The following COL24A1 variants were observed in gnomAD, a reference collection of about 807,000 sequenced individuals.
COL24A1 encodes collagen type XXIV alpha 1 chain.
Under a neutral mutation model 253.9 loss-of-function variants are expected in COL24A1, and 224 were observed. The ratio of observed to expected loss-of-function variants is 0.88; its 90% CI spans 0.79 to 0.99. The LOEUF is 0.99. COL24A1 is among the 50% of genes least tolerant of loss of function. The pLI, the probability that COL24A1 is intolerant of heterozygous loss-of-function variation, is 0.00. For synonymous variants in COL24A1, 685 were observed against 673.7 expected (o/e 1.02, Z -0.26); for missense variants, 2,131 against 2,068.5 (o/e 1.03, Z -0.59).
At chr1:86,019,346 A>G (rs1389188483) in intron 18 of COL24A1, among the ~76,000 whole-genome samples, 2 of 152,020 alleles carry the variant, frequency 1.3e-5, no homozygotes, top group Admixed American at 6.6e-5. Context: ...GCTTGAGGCC[A>G]GGAGTTTAAG....
chr1:85,740,991 C>T (rs1293244333), intron 57 of COL24A1, among the ~76,000 whole-genome samples: 8 of 129,300 alleles, frequency 6.2e-5, no homozygotes, highest in South Asian at 5.2e-4. Flanking sequence ...TCGTGGCTGG[C>T]GCCTATAATC....
chr1:86,079,849 A>G (rs979347606), intron 7 of COL24A1, among the ~76,000 whole-genome samples: 2 of 152,194 alleles, frequency 1.3e-5, no homozygotes, highest in South Asian at 2.1e-4. Flanking sequence ...ACCATTATGG[A>G]AAACAGTTTG....
At chr1:85,852,949 GTAT>G in intron 37 of COL24A1, among the ~76,000 whole-genome samples, 1 of 152,232 alleles carries the variant, frequency 6.6e-6, no homozygotes, top group African/African-American at 2.4e-5. Context: ...AGTAACCACA[GTAT>G]TATGTTTTAT....
At chr1:85,893,842 T>A (rs1462318447) in intron 31 of COL24A1, among the ~76,000 whole-genome samples, 1 of 152,130 alleles carries the variant, frequency 6.6e-6, no homozygotes, top group Non-Finnish European at 1.5e-5. Flanking sequence ...GGGGTCTCAC[T>A]ACATTGCCCT....
At chr1:85,816,302 C>G (rs1673032726) in intron 47 of COL24A1, among the ~76,000 whole-genome samples, 2 of 152,238 alleles carry the variant, frequency 1.3e-5, no homozygotes, top group South Asian at 2.1e-4. Flanking sequence ...AGAAGAGAGA[C>G]AGCTGATGGA....
chr1:85,781,102 G>C lies in COL24A1; in HGVS notation c.4338+118C>G, dbSNP rs181865104. 8.0e-5 allele frequency: 56 copies of C among 699,800 alleles called. No homozygotes were observed. The African/African-American group carries it at 8.1e-4, about 10-fold the overall frequency. 43.3% of individuals were successfully genotyped at this position (699,800 alleles called of 1,614,324 possible). A position where few individuals can be genotyped will look rare whatever the true frequency, so the allele number is the denominator to read the frequency against. ...CAGGAATCATTTTCCAGAAGAAAAT[G>C]TATATCTATTTTTTCCATTTTCTTC... On this transcript the variant is annotated intron_variant, in intron 52 of 59. Coordinates refer to ENST00000370571, the MANE Select transcript of COL24A1 (RefSeq NM_152890.7).
intron 7 of COL24A1, among the ~76,000 whole-genome samples, chr1:86,081,311 A>C (rs1702621673): frequency 2.5e-4 from 1 of 4,046 alleles, no homozygotes; most frequent in Admixed American, 4.3e-3. Context: ...TCTAATGTGA[A>C]GTTTTTTTTT....
chr1:85,878,467 C>A (rs2389988), intron 32 of COL24A1, among the ~76,000 whole-genome samples: 9 of 152,142 alleles, frequency 5.9e-5, no homozygotes, highest in African/African-American at 1.7e-4. Context: ...GAAACACGGT[C>A]CAATTATAGC....
At chr1:86,068,767 A>C (rs12740162) in intron 7 of COL24A1, among the ~76,000 whole-genome samples, 5 of 152,076 alleles carry the variant, frequency 3.3e-5, no homozygotes, top group African/African-American at 1.2e-4. Flanking sequence ...TTTGTTTGGC[A>C]TCTTGGATAC....
At chr1:85,847,986 C>T (rs1677324804) in intron 38 of COL24A1, among the ~76,000 whole-genome samples, 1 of 151,988 alleles carries the variant, frequency 6.6e-6, no homozygotes, top group Admixed American at 6.5e-5. Context: ...ACCAAACAAG[C>T]AGGGGGCATC....
chr1:86,110,342 T>G (rs1387555300), intron 5 of COL24A1, among the ~76,000 whole-genome samples: 1 of 146,806 alleles, frequency 6.8e-6, no homozygotes, highest in Non-Finnish European at 1.5e-5. Context: ...CTTCCATACG[T>G]TTTCCTATGT....
At chr1:85,867,280 C>T (rs1011333016) in intron 37 of COL24A1, among the ~76,000 whole-genome samples, 2 of 152,280 alleles carry the variant, frequency 1.3e-5, no homozygotes, top group African/African-American at 4.8e-5. Flanking sequence ...ACTTTGTCTT[C>T]CAGCCTGCCT....
At chr1:86,141,213 G>A (rs1202972094) in intron 2 of COL24A1, among the ~76,000 whole-genome samples, 2 of 152,190 alleles carry the variant, frequency 1.3e-5, no homozygotes, top group East Asian at 1.9e-4. Flanking sequence ...CAGGCAGGCT[G>A]ATTCATATTG....
At chr1:86,017,247 T>A (rs1305286607) in intron 18 of COL24A1, 43 bp from the exon 19 acceptor site, 1 of 1,453,366 alleles carries the variant, frequency 6.9e-7, no homozygotes, top group Admixed American at 2.8e-5. Context: ...ATAAACTTAA[T>A]AAACACAATT....
Position 86,022,574 on chromosome 1 carries a change from T to C in COL24A1, c.2166A>G (p.Ala722=). 1 of 1,613,074 alleles carries C rather than the reference T, an allele frequency of 6.2e-7. No individual in the cohort carries two copies. Among genetic ancestry groups the C allele is most frequent in the South Asian group, 1.1e-5 (1 of 90,882 alleles). ...IKGDKGEQGT[A]GELGEPGYPG... is the part of the protein sequence containing the mutation. ...GATACCCGGGTTCTCCTAGCTCTCC[T>C]GCTGTGCCTTGTTCACCCTGGAAAG... The change falls in exon 17 of 60, where the codon GCA becomes GCG. Residue 722 remains alanine, a synonymous_variant. Coordinates refer to ENST00000370571, the MANE Select transcript of COL24A1 (RefSeq NM_152890.7).
intron 24 of COL24A1, among the ~76,000 whole-genome samples, chr1:85,927,926 A>T (rs1484555123): frequency 7.3e-6 from 1 of 136,370 alleles, no homozygotes; most frequent in Non-Finnish European, 1.6e-5. Flanking sequence ...CCAAAAACCC[A>T]TCTGTACATC....
At chr1:85,944,998 TTG>T (rs577285478) in intron 24 of COL24A1, among the ~76,000 whole-genome samples, 20,950 of 79,996 alleles carry the variant, frequency 0.26, 5,294 homozygotes, top group Non-Finnish European at 0.28. Flanking sequence ...CAGTCTATCA[TTG>T]TGTTTTTTTT....
At chr1:85,837,219 A>G (rs751908299) in intron 43 of COL24A1, among the ~76,000 whole-genome samples, 4 of 152,246 alleles carry the variant, frequency 2.6e-5, no homozygotes, top group Non-Finnish European at 5.9e-5. Flanking sequence ...TAAATTGGAA[A>G]CAGAACACAT....
intron 43 of COL24A1, among the ~76,000 whole-genome samples, chr1:85,828,661 C>T (rs1433735565): frequency 1.9e-4 from 24 of 129,672 alleles, no homozygotes; most frequent in African/African-American, 6.2e-4. Context: ...TGAATTGATC[C>T]CTTTACCATT....
Sources: allele counts gnomAD v4.1 joint callset (sites outside exome capture counted in the v4.1 genomes callset), GRCh38; gene constraint gnomAD v4.1.1; transcripts MANE v1.5; gene names NCBI Gene and HGNC (gene_info 2026-07-23, HGNC 2026-07-21).